Variants in POLB observed in about 807,000 individuals in gnomAD.
POLB encodes DNA polymerase beta.
POLB carries 37 observed loss-of-function variants against 52.7 expected under a neutral mutation model. That is an observed-to-expected ratio of 0.70 (90% CI 0.54 to 0.92). POLB has a LOEUF of 0.92. Ranked by LOEUF, POLB falls within the 40% of genes least tolerant of loss-of-function variation. The pLI is 0.00. For synonymous variants in POLB, 138 were observed against 131.3 expected, an observed-to-expected ratio of 1.05 and a Z score of -0.35; for missense variants, 313 against 400.8, an observed-to-expected ratio of 0.78 and a Z score of 1.87.
At chr8:42,346,248 C>T (rs1415945997) in intron 3 of POLB, among the ~76,000 whole-genome samples, 1 of 151,962 alleles carries the variant, frequency 6.6e-6, no homozygotes, top group African/African-American at 2.4e-5. Context: ...TAGTCCAGGT[C>T]CTGATAGTTA....
intron 11 of POLB, among the ~76,000 whole-genome samples, chr8:42,365,051 C>G (rs1006290751): frequency 5.3e-5 from 8 of 151,850 alleles, no homozygotes; most frequent in African/African-American, 1.9e-4. Context: ...CGCACTACTG[C>G]ACTCCAGCCT....
chr8:42,348,579 C>T (rs1822775626), intron 3 of POLB, among the ~76,000 whole-genome samples: 1 of 152,074 alleles, frequency 6.6e-6, no homozygotes. Flanking sequence ...TAGGGTGGGA[C>T]TTACATTCTG....
chr8:42,343,516 CA>C (rs11405665), intron 2 of POLB, among the ~76,000 whole-genome samples: 1 of 144,584 alleles, frequency 6.9e-6, no homozygotes, highest in Non-Finnish European at 1.5e-5. Flanking sequence ...GACTCCATCT[CA>C]AAAAAAAAGT....
At chr8:42,352,739 A>G (rs192248444) in intron 6 of POLB, among the ~76,000 whole-genome samples, 171 bp downstream of exon 6, 5 of 152,330 alleles carry the variant, frequency 3.3e-5, no homozygotes, top group Admixed American at 3.3e-4. Flanking sequence ...TTATATTACC[A>G]TCATAAACAT....
intron 5 of POLB, among the ~76,000 whole-genome samples, chr8:42,350,376 G>A (rs1174010359): frequency 6.6e-6 from 1 of 151,968 alleles, no homozygotes; most frequent in African/African-American, 2.4e-5. Context: ...CTCCAGCTTG[G>A]CCTCTTTTGT....
intron 3 of POLB, among the ~76,000 whole-genome samples, chr8:42,347,120 TG>T (rs1250490791): frequency 2.6e-5 from 4 of 152,144 alleles, no homozygotes; most frequent in Non-Finnish European, 5.9e-5. Context: ...TCTGCGCTTA[TG>T]GTATATTCCT....
At chr8:42,338,867 C>A in intron 1 of POLB, 145 bp from the exon 2 acceptor site, 2 of 922,200 alleles carry the variant, frequency 2.2e-6, no homozygotes. Flanking sequence ...TACACCTGGG[C>A]CATCGCTTGG....
In POLB at chr8:42,355,107, C is replaced by T. The variant is rs113643464; in HGVS notation, c.371-409C>T. ...AGGCTGGATTGCAGTGGCGCAATCT[C>T]GGCTCACTGCAGCTTCCACCTCCCA... On this transcript the variant is annotated intron_variant, in intron 6 of 13. Transcript: ENST00000265421. 4.7e-3 allele frequency among the ~76,000 whole-genome samples: 714 copies of T among 151,590 alleles called. 8 individuals are homozygous for T. Among genetic ancestry groups the T allele is most frequent in the African/African-American group, 0.016 (677 of 41,300 alleles).
Position 42,362,640 on chromosome 8 carries a change from A to T in POLB, c.650A>T (p.Gln217Leu). ...QPKLLHQVVE[Q>L]LQKVHFITDT... ...AAACTGTTACATCAGGTTGTGGAGC[A>T]GTTACAAAAGGTTCATTTTATCACA... The change falls in exon 11 of 14, where the codon CAG (glutamine) becomes CTG (leucine). Residue 217 changes from glutamine (Q) to leucine (L), a missense_variant. Gln to Leu is a moderately radical substitution (Grantham distance 113). Around this residue, in one of 3 missense-constraint regions of POLB, gnomAD observed 246 missense variants for 297.6 expected, o/e 0.83. Coordinates refer to ENST00000265421, the MANE Select transcript of POLB (RefSeq NM_002690.3). 6.2e-7 allele frequency: 1 copy of T among 1,610,418 alleles called. No individual in the cohort carries two copies. Among genetic ancestry groups the T allele is most frequent in the Non-Finnish European group, 8.5e-7 (1 of 1,176,748 alleles).
chr8:42,360,650 G>A (rs1353806919), intron 9 of POLB, among the ~76,000 whole-genome samples: 1 of 152,034 alleles, frequency 6.6e-6, no homozygotes, highest in Non-Finnish European at 1.5e-5. Flanking sequence ...GAAAAGAAAG[G>A]TTTAAATAGC....
At chr8:42,370,858 A>G (rs1299819289) in intron 13 of POLB, among the ~76,000 whole-genome samples, 1 of 152,256 alleles carries the variant, frequency 6.6e-6, no homozygotes, top group Non-Finnish European at 1.5e-5. Context: ...GTGTTGGGCC[A>G]CATTCAAAGT....
intron 9 of POLB, among the ~76,000 whole-genome samples, chr8:42,358,406 G>A (rs1751362236): frequency 6.6e-6 from 1 of 152,092 alleles, no homozygotes; most frequent in Non-Finnish European, 1.5e-5. Flanking sequence ...GGCGGCTGAG[G>A]CAGGAGAATG....
intron 3 of POLB, among the ~76,000 whole-genome samples, chr8:42,347,320 A>C (rs1217912856): frequency 7.7e-6 from 1 of 129,384 alleles, no homozygotes; most frequent in African/African-American, 2.9e-5. Context: ...TTATTCTAGA[A>C]TTACTCCTCA....
intron 11 of POLB, among the ~76,000 whole-genome samples, chr8:42,368,670 G>C (rs545389264): frequency 6.6e-6 from 1 of 152,270 alleles, no homozygotes; most frequent in African/African-American, 2.4e-5. Context: ...TGTGAAGGAA[G>C]AAAGTGATCC....
chr8:42,368,818 G>A (rs1824197718), intron 11 of POLB: 1 of 152,146 alleles, frequency 6.6e-6, no homozygotes. Flanking sequence ...TTCCCTGAGG[G>A]TTTTCTATAG....
At chr8:42,341,796 TG>T in intron 2 of POLB, 1 of 500,578 alleles carries the variant, frequency 2.0e-6, no homozygotes, top group Non-Finnish European at 3.8e-6. Flanking sequence ...TCCTGAGCCG[TG>T]GGGAAGCTTG....
At chr8:42,369,581 AT>A (rs1323574159) in intron 12 of POLB, 1 of 520,694 alleles carries the variant, frequency 1.9e-6, no homozygotes, top group African/African-American at 1.9e-5. Context: ...CTCAAAAGTC[AT>A]TTCCTGCCTG....
chr8:42,355,015 T>C (rs1823213061), intron 6 of POLB, among the ~76,000 whole-genome samples: 1 of 152,012 alleles, frequency 6.6e-6, no homozygotes, highest in South Asian at 2.1e-4. Context: ...TCAGTAAAAT[T>C]TGGTGTGATT....
intron 9 of POLB, among the ~76,000 whole-genome samples, chr8:42,358,561 T>C (rs1823478190): frequency 6.6e-6 from 1 of 152,202 alleles, no homozygotes; most frequent in Admixed American, 6.5e-5. Flanking sequence ...TAAAACATTT[T>C]AGAGTATGTT....
Sources: allele counts gnomAD v4.1 joint callset (sites outside exome capture counted in the v4.1 genomes callset), GRCh38; gene constraint gnomAD v4.1.1; regional missense constraint gnomAD v4.1.1; transcripts MANE v1.5; gene names NCBI Gene and HGNC (gene_info 2026-07-23, HGNC 2026-07-21).